The following VTI1A variants were observed in gnomAD, a reference collection of about 807,000 sequenced individuals.
VTI1A encodes the protein vesicle transport through interaction with t-SNAREs 1A.
A neutral mutation model predicts 34.9 loss-of-function variants in VTI1A; 22 were observed. The observed-to-expected ratio is 0.63, with a 90% CI of 0.45 to 0.90. The LOEUF is 0.90. VTI1A is among the 40% of genes least tolerant of loss of function. The probability of loss-of-function intolerance (pLI) is 0.00; values close to 1 mark genes in which losing one functional copy is unlikely to be tolerated. For synonymous variants in VTI1A, 87 were observed against 97.3 expected, an observed-to-expected ratio of 0.89 and a Z score of 0.62; for missense variants, 268 against 275.6, an observed-to-expected ratio of 0.97 and a Z score of 0.20.
chr10:112,827,359 G>A, the VTI1A span: 5 of 152,200 alleles, frequency 3.3e-5, no homozygotes, highest in Admixed American at 6.5e-5. Flanking sequence ...AGCCTCTCTC[G>A]GTGGGGATGG....
intron 5 of VTI1A, among the ~76,000 whole-genome samples, chr10:112,638,525 A>G: frequency 6.6e-6 from 1 of 152,192 alleles, no homozygotes; most frequent in East Asian, 1.9e-4. Context: ...ATTTGGTGGC[A>G]AGAGGAAAGA....
chr10:112,842,313 A>G, the VTI1A span, among the ~76,000 whole-genome samples: 1 of 152,054 alleles, frequency 6.6e-6, no homozygotes, highest in Admixed American at 6.5e-5. Flanking sequence ...CATCCTGGGG[A>G]GGCTGGAGAA....
At chr10:112,528,873 T>G (rs1850332653) in intron 4 of VTI1A, among the ~76,000 whole-genome samples, 1 of 152,172 alleles carries the variant, frequency 6.6e-6, no homozygotes, top group Non-Finnish European at 1.5e-5. Context: ...GGATCCCTTT[T>G]TTTTCAAACG....
At chr10:112,668,554 AT>A (rs1847730551) in intron 6 of VTI1A, among the ~76,000 whole-genome samples, 1 of 152,134 alleles carries the variant, frequency 6.6e-6, no homozygotes. Context: ...GAGTATGTTC[AT>A]CTTTTAGAGT....
intron 7 of VTI1A, among the ~76,000 whole-genome samples, 194 bp from the exon 8 acceptor site, chr10:112,815,096 C>A (rs936244019): frequency 2.0e-5 from 3 of 149,950 alleles, no homozygotes; most frequent in Non-Finnish European, 4.4e-5. Context: ...CCTCGTGGAT[C>A]GTTTGTAGAA....
chr10:112,636,907 A>T (rs780104246), intron 5 of VTI1A, among the ~76,000 whole-genome samples: 3 of 152,136 alleles, frequency 2.0e-5, no homozygotes, highest in Non-Finnish European at 4.4e-5. Context: ...AAAAACAGTC[A>T]TTAAGATTCA....
At chr10:112,721,273 T>C (rs932078272) in intron 7 of VTI1A, among the ~76,000 whole-genome samples, 1 of 152,176 alleles carries the variant, frequency 6.6e-6, no homozygotes, top group African/African-American at 2.4e-5. Context: ...AAATAACCGA[T>C]AGGTGGCATC....
intron 5 of VTI1A, among the ~76,000 whole-genome samples, chr10:112,619,850 G>A (rs1209259086): frequency 6.6e-6 from 1 of 152,188 alleles, no homozygotes; most frequent in African/African-American, 2.4e-5. Context: ...AGGGAGGATG[G>A]AAGTTAGAGG....
intron 5 of VTI1A, among the ~76,000 whole-genome samples, chr10:112,607,550 A>G (rs371437863): frequency 5.9e-5 from 9 of 152,306 alleles, no homozygotes; most frequent in African/African-American, 2.2e-4. Context: ...AGATTTTCTG[A>G]ATGGAAAAGT....
intron 5 of VTI1A, among the ~76,000 whole-genome samples, chr10:112,611,992 C>G (rs966621569): frequency 6.6e-6 from 1 of 152,026 alleles, no homozygotes; most frequent in African/African-American, 2.4e-5. Context: ...CCGCCCGCCT[C>G]GGCCTCCGAA....
chr10:112,656,598 T>C (rs1847240487), intron 5 of VTI1A, among the ~76,000 whole-genome samples: 1 of 144,972 alleles, frequency 6.9e-6, no homozygotes, highest in Non-Finnish European at 1.5e-5. Context: ...ACTCCTGGGC[T>C]CAAGTGATCC....
chr10:112,496,134 G>A (rs1434610897), intron 3 of VTI1A, among the ~76,000 whole-genome samples: 1 of 148,012 alleles, frequency 6.8e-6, no homozygotes, highest in Non-Finnish European at 1.5e-5. Flanking sequence ...AGGCCTAAGT[G>A]GGAGGATCAC....
chr10:112,746,540 A>G (rs989401339), intron 7 of VTI1A, among the ~76,000 whole-genome samples: 2 of 152,224 alleles, frequency 1.3e-5, no homozygotes, highest in Non-Finnish European at 2.9e-5. Flanking sequence ...AGTGTCTTGC[A>G]AGGCCACTTG....
chr10:112,633,506 T>C (rs1846217483), intron 5 of VTI1A, among the ~76,000 whole-genome samples: 1 of 152,036 alleles, frequency 6.6e-6, no homozygotes, highest in Non-Finnish European at 1.5e-5. Context: ...TCTTCAGACA[T>C]TGAAAAGAGA....
chr10:112,557,333 T>G (rs1477194332), intron 5 of VTI1A, among the ~76,000 whole-genome samples: 5 of 152,172 alleles, frequency 3.3e-5, no homozygotes, highest in Non-Finnish European at 5.9e-5. Context: ...TTTCCTCTGC[T>G]AGGAGATTAG....
At chr10:112,508,527 C>G (rs1398622158) in intron 3 of VTI1A, among the ~76,000 whole-genome samples, 1 of 152,136 alleles carries the variant, frequency 6.6e-6, no homozygotes, top group Non-Finnish European at 1.5e-5. Context: ...TTCAAGGGAA[C>G]CTGTTAACTT....
intron 7 of VTI1A, among the ~76,000 whole-genome samples, chr10:112,803,040 G>A (rs549662563): frequency 3.0e-4 from 45 of 152,256 alleles, no homozygotes; most frequent in African/African-American, 1.1e-3. Context: ...ACTTTTCCCA[G>A]TCGTCCCATG....
At chr10:112,657,039 TTCCGTCATGACTGAAAGC>T (rs1847257414) in intron 5 of VTI1A, among the ~76,000 whole-genome samples, 1 of 152,134 alleles carries the variant, frequency 6.6e-6, no homozygotes, top group East Asian at 1.9e-4. Flanking sequence ...ACCCTTCGCT[TTCCGTCATGACTGAAAGC>T]TCCCTGAGGC....
rs980854547 is a variant in VTI1A at position 112,817,028 on chromosome 10, A to G, written c.*1645A>G. ...CAGGACAGAGAAGGAGCAGGAAGCT[A>G]TGCTAATTTTCCTGTCAGCTTAAGG... On this transcript the variant is annotated 3_prime_UTR_variant, in exon 8 of 8. Transcript: ENST00000393077. 5.2e-5 allele frequency: 12 copies of G among 232,200 alleles called. No individual in the cohort carries two copies. Among genetic ancestry groups the G allele is most frequent in the Non-Finnish European group, 8.5e-5 (10 of 117,474 alleles). 14.4% of individuals were successfully genotyped at this position (232,200 alleles called of 1,614,324 possible).
Sources: gnomAD v4.1 joint callset for allele counts (sites outside exome capture counted in the v4.1 genomes callset) on GRCh38, gnomAD v4.1.1 for gene constraint, MANE v1.5 for transcripts, NCBI Gene and HGNC (gene_info 2026-07-23, HGNC 2026-07-21) for gene names.